HMCN1: variants seen among roughly 807,000 people sequenced by gnomAD.
HMCN1 encodes the protein hemicentin 1.
HMCN1 carries 321 observed loss-of-function variants against 625.9 expected under a neutral mutation model. The ratio of observed to expected loss-of-function variants is 0.51; its 90% CI spans 0.47 to 0.56. The LOEUF (loss-of-function observed/expected upper bound fraction) is 0.56, where lower values mean the gene tolerates loss of function less well. Ranked by LOEUF, HMCN1 falls within the 20% of genes least tolerant of loss-of-function variation. The pLI, the probability that HMCN1 is intolerant of heterozygous loss-of-function variation, is 0.00. For synonymous variants in HMCN1, 2,425 were observed against 2,417.6 expected (o/e 1.00, Z -0.09); for missense variants, 6,588 against 6,887.3 (o/e 0.96, Z 1.54).
intron 97 of HMCN1, among the ~76,000 whole-genome samples, chr1:186,156,131 T>G (rs1414523395): frequency 1.3e-5 from 2 of 152,100 alleles, no homozygotes; most frequent in African/African-American, 4.8e-5. Context: ...TTTTTAAAAT[T>G]AATTATAAAG....
chr1:185,959,235 A>G (rs1649839819), intron 11 of HMCN1, among the ~76,000 whole-genome samples: 1 of 152,194 alleles, frequency 6.6e-6, no homozygotes. Context: ...ATTTCTTACC[A>G]GAAGCTTAAG....
Position 186,017,050 on chromosome 1 carries a change from G to A in HMCN1, c.5279G>A (p.Gly1760Asp). 4 of 1,600,076 alleles carry A rather than the reference G, an allele frequency of 2.5e-6. No individual in the cohort carries two copies. The highest frequency in any genetic ancestry group is 3.4e-6 in the Non-Finnish European group (4 of 1,167,548). Residue 1760 changes from glycine to aspartate, a missense_variant, in exon 33 of 107, where the codon GGC (glycine) becomes GAC (aspartate). By Grantham distance (94) the Gly-to-Asp change is moderately conservative. Coordinates refer to ENST00000271588, the MANE Select transcript of HMCN1 (RefSeq NM_031935.3). The stretch of plus-strand genomic sequence containing the variant: ...CTGGAGCTAGATTGTCATGTGACAG[G>A]CTCTCCCCCACCAACTATCATGTAA... ...NLLELDCHVT[G>D]SPPPTIMWLK...
intron 100 of HMCN1, among the ~76,000 whole-genome samples, chr1:186,170,848 T>C (rs1652181393): frequency 6.6e-6 from 1 of 152,182 alleles, no homozygotes; most frequent in Non-Finnish European, 1.5e-5. Context: ...GGAAGTACAA[T>C]GTGGCAGTGA....
chr1:186,058,646 G>A (rs1657499676), intron 46 of HMCN1, among the ~76,000 whole-genome samples: 1 of 151,846 alleles, frequency 6.6e-6, no homozygotes, highest in Non-Finnish European at 1.5e-5. Context: ...GTCAGTATAT[G>A]GAAGATTCTA....
In HMCN1 at chr1:186,136,648, C is replaced by T. The variant is rs139437150; in HGVS notation, c.13313-20C>T. ...CTGTAACTCCACAAAAACTGAGACA[C>T]TATGTGCTTTTTTCCGTAGGTCCTC... On this transcript the variant is annotated intron_variant, in intron 86 of 106. Coordinates refer to ENST00000271588, the MANE Select transcript of HMCN1 (RefSeq NM_031935.3). 9.7e-5 allele frequency: 156 copies of T among 1,613,088 alleles called. No individual in the cohort carries two copies. The African/African-American group carries it at 1.9e-3, about 20-fold the overall frequency.
intron 1 of HMCN1, among the ~76,000 whole-genome samples, chr1:185,819,684 G>T (rs57123319): frequency 0.059 from 8,901 of 152,018 alleles, 878 homozygotes; most frequent in African/African-American, 0.2. Flanking sequence ...ACTTAAAAAA[G>T]TCATCATTTG....
chr1:185,898,190 G>T (rs1665593091), intron 4 of HMCN1, among the ~76,000 whole-genome samples: 1 of 152,116 alleles, frequency 6.6e-6, no homozygotes, highest in South Asian at 2.1e-4. Flanking sequence ...ATGGGGCTGG[G>T]ATGCTAAAAG....
intron 16 of HMCN1, among the ~76,000 whole-genome samples, chr1:185,980,021 T>C (rs979219154): frequency 6.6e-6 from 1 of 152,158 alleles, no homozygotes; most frequent in African/African-American, 2.4e-5. Flanking sequence ...GTCCCCATCC[T>C]CATGGCTCCA....
intron 1 of HMCN1, among the ~76,000 whole-genome samples, chr1:185,750,823 T>A (rs1046116139): frequency 6.6e-6 from 1 of 152,020 alleles, no homozygotes; most frequent in South Asian, 2.1e-4. Flanking sequence ...TGAGTTTTTT[T>A]AAAATTCTAT....
At chr1:185,802,840 G>C (rs769117091) in intron 1 of HMCN1, among the ~76,000 whole-genome samples, 2 of 152,214 alleles carry the variant, frequency 1.3e-5, no homozygotes, top group East Asian at 3.9e-4. Context: ...TCTGTAAGTG[G>C]GGGGAGAAAG....
At chr1:185,948,930 G>A (rs953941264) in intron 11 of HMCN1, among the ~76,000 whole-genome samples, 6 of 151,808 alleles carry the variant, frequency 4.0e-5, no homozygotes, top group African/African-American at 9.7e-5. Flanking sequence ...GGGTGATATT[G>A]TGGGGTTGTT....
chr1:186,125,864 T>A, intron 82 of HMCN1, 70 bp downstream of exon 82: 1 of 1,175,630 alleles, frequency 8.5e-7, no homozygotes, highest in Non-Finnish European at 1.3e-6. Context: ...TTTAGTAATT[T>A]AGCATGGAAG....
At chr1:186,022,011 G>A (rs1033609930) in intron 35 of HMCN1, among the ~76,000 whole-genome samples, 5 of 151,986 alleles carry the variant, frequency 3.3e-5, no homozygotes, top group African/African-American at 1.2e-4. Context: ...GAAAAATAGT[G>A]GGTGCCATTA....
At chr1:186,005,620 A>G (rs934286381) in intron 29 of HMCN1, among the ~76,000 whole-genome samples, 2 of 152,076 alleles carry the variant, frequency 1.3e-5, no homozygotes, top group Non-Finnish European at 2.9e-5. Flanking sequence ...TTAAAAACAA[A>G]AATGTTCATA....
chr1:186,007,097 G>T, intron 29 of HMCN1, 31 bp from the exon 30 acceptor site: 1 of 1,554,774 alleles, frequency 6.4e-7, no homozygotes, highest in South Asian at 1.1e-5. Context: ...ACTGAAAATA[G>T]ACCCATGGAA....
chr1:185,949,403 G>A (rs1040686390), intron 11 of HMCN1, among the ~76,000 whole-genome samples: 14 of 151,860 alleles, frequency 9.2e-5, no homozygotes, highest in Non-Finnish European at 1.9e-4. Flanking sequence ...GTACCCTGTA[G>A]CATTCCGAGA....
At position 186,154,026 on chromosome 1, in the gene HMCN1, C is replaced by T. The variant is rs1221285168; in HGVS notation, c.15256+39C>T. On this transcript the variant is annotated intron_variant, in intron 97 of 106. Coordinates refer to ENST00000271588, the MANE Select transcript of HMCN1 (RefSeq NM_031935.3). ...AGAAAATCCATATCTTTATGCCATC[C>T]AGTCTAAAGGGTTAAAAAAATTCAA... 1.3e-6 allele frequency: 2 copies of T among 1,521,824 alleles called. 1 individual carries two copies. The highest frequency in any genetic ancestry group is 2.3e-5 in the South Asian group (2 of 88,530). The allele number at this position is 1,521,824 out of a possible 1,614,324, so 94.3% of individuals were successfully genotyped here.
chr1:186,009,385 T>G (rs1321098167), intron 30 of HMCN1, among the ~76,000 whole-genome samples: 1 of 152,180 alleles, frequency 6.6e-6, no homozygotes, highest in Non-Finnish European at 1.5e-5. Flanking sequence ...TTGAATATTA[T>G]AATTCAGGAA....
chr1:185,870,491 T>G (rs764783346), intron 4 of HMCN1, among the ~76,000 whole-genome samples: 1 of 152,174 alleles, frequency 6.6e-6, no homozygotes, highest in Non-Finnish European at 1.5e-5. Flanking sequence ...CGAAAAAAAC[T>G]TACCAGCCTG....
Sources: gnomAD v4.1 joint callset for allele counts (sites outside exome capture counted in the v4.1 genomes callset) on GRCh38, gnomAD v4.1.1 for gene constraint, MANE v1.5 for transcripts, NCBI Gene and HGNC (gene_info 2026-07-23, HGNC 2026-07-21) for gene names.